Variants in PABPC4 observed in about 807,000 individuals in gnomAD.
PABPC4 encodes polyadenylate-binding protein 4.
A neutral mutation model predicts 74.5 loss-of-function variants in PABPC4; 15 were observed. The observed-to-expected ratio is 0.20, with a 90% confidence interval of 0.13 to 0.31. The LOEUF is 0.31. Among genes scored for constraint, PABPC4 ranks in the 10% least tolerant of loss-of-function variants. The pLI is 1.00. For synonymous variants in PABPC4, 345 were observed against 303.0 expected (o/e 1.14, Z -1.44); for missense variants, 610 against 853.5 (o/e 0.71, Z 3.55).
chr1:39,571,225 G>A lies in PABPC4; in HGVS notation c.503+9C>T, dbSNP rs763961242. 6.2e-7 allele frequency: 1 copy of A among 1,613,998 alleles called. No homozygotes were observed. Among genetic ancestry groups the A allele is most frequent in the South Asian group, 1.1e-5 (1 of 91,062 alleles). ...TGCGATGGTTGTTGCTCCGGACTGG[G>A]ACACTCACACTTTGCGGTCATTGAG... On this transcript the variant is annotated intron_variant, in intron 3 of 15. Transcript: ENST00000372858.
At position 39,575,919 on chromosome 1, in the gene PABPC4, G is replaced by C. The variant is rs1390775491; in HGVS notation, c.33C>G (p.Ala11=). ...AATGCAGGTCGCCCACGTACAGGGA[G>C]GCCATGGGGTAGCTGCTGGCCGCAG... The part of the protein sequence containing the change: MNAAASSYPM[A]SLYVGDLHSD... Residue 11 remains alanine, a synonymous_variant, in exon 1 of 16, where the codon GCC becomes GCG. Coordinates refer to ENST00000372858, the MANE Select transcript of PABPC4 (RefSeq NM_001135653.2). 1 of 1,607,168 alleles carries C rather than the reference G, an allele frequency of 6.2e-7. No homozygotes were observed. Among genetic ancestry groups the C allele is most frequent in the Non-Finnish European group, 8.5e-7 (1 of 1,176,744 alleles).
chr1:39,561,609 C>T (rs963917794), intron 15 of PABPC4, 76 bp downstream of exon 15: 2 of 990,434 alleles, frequency 2.0e-6, no homozygotes, highest in Admixed American at 3.7e-5. Flanking sequence ...ATATATACAA[C>T]CTCAGGTCAA....
At chr1:39,572,299 G>T in intron 2 of PABPC4, 94 bp downstream of exon 2, 3 of 977,928 alleles carry the variant, frequency 3.1e-6, no homozygotes, top group Non-Finnish European at 4.6e-6. Flanking sequence ...CCCATATCTT[G>T]TTCCCCAATT....
At chr1:39,565,553 G>A (rs1041800949) in intron 7 of PABPC4, among the ~76,000 whole-genome samples, 175 bp from the exon 8 acceptor site, 9 of 151,840 alleles carry the variant, frequency 5.9e-5, no homozygotes, top group Non-Finnish European at 1.0e-4. Flanking sequence ...CAAAGGGCCA[G>A]GCGCAGTGGC....
At chr1:39,566,932 T>C (rs1645853545) in intron 7 of PABPC4, among the ~76,000 whole-genome samples, 1 of 152,216 alleles carries the variant, frequency 6.6e-6, no homozygotes, top group Non-Finnish European at 1.5e-5. Context: ...ATTCCCAGGT[T>C]GGGAGCAAAG....
At position 39,576,709 on chromosome 1, in the gene PABPC4, T is replaced by C. The variant is rs1011485668; in HGVS notation, c.-758A>G. On this transcript the variant is annotated 5_prime_UTR_variant, in exon 1 of 16. Transcript: ENST00000372858. ...TCAGGATTTTGAAGCGTTTTCAGAT[T>C]TTTTTTATCTTTTTCTCTTTTTTTC... 1 of 149,762 alleles carries C rather than the reference T, an allele frequency of 6.7e-6. No individual in the cohort carries two copies. The highest frequency in any genetic ancestry group is 1.5e-5 in the Non-Finnish European group (1 of 67,354). The allele number at this position is 149,762 out of a possible 1,614,324, so 9.3% of individuals were successfully genotyped here. A position where few individuals can be genotyped will look rare whatever the true frequency, so the allele number is the denominator to read the frequency against.
chr1:39,568,065 G>A (rs529313314), intron 6 of PABPC4: 108 of 384,564 alleles, frequency 2.8e-4, no homozygotes, highest in African/African-American at 1.9e-3. Flanking sequence ...AGACCATCCT[G>A]GCTAACACAG....
At chr1:39,575,413 A>G (rs1006336174) in intron 1 of PABPC4, among the ~76,000 whole-genome samples, 1 of 152,180 alleles carries the variant, frequency 6.6e-6, no homozygotes, top group Non-Finnish European at 1.5e-5. Context: ...TGTGAGGGGC[A>G]CAAGCAAGGA....
rs562875940 is a variant in PABPC4, at chr1:39,569,443, G to A, written c.738+152C>T. The A allele has an allele frequency of 2.4e-4, 151 of 637,378 alleles. 2 individuals carry two copies. Among genetic ancestry groups the A allele is most frequent in the African/African-American group, 2.0e-3 (107 of 54,640 alleles). 39.5% of individuals were successfully genotyped at this position (637,378 alleles called of 1,614,324 possible). A position where few individuals can be genotyped will look rare whatever the true frequency, so the allele number is the denominator to read the frequency against. On this transcript the variant is annotated intron_variant, in intron 5 of 15. Coordinates refer to ENST00000372858, the MANE Select transcript of PABPC4 (RefSeq NM_001135653.2). ...AAACACCTACATGAAGTTAACATGC[G>A]GAACCCAGGAAGATGATCCCAGAGT...
intron 1 of PABPC4, among the ~76,000 whole-genome samples, chr1:39,575,044 G>C (rs72932170): frequency 1.3e-5 from 2 of 152,172 alleles, no homozygotes; most frequent in South Asian, 2.1e-4. Flanking sequence ...TGTTACAGCT[G>C]AGGTGACAAA....
intron 1 of PABPC4, among the ~76,000 whole-genome samples, chr1:39,574,182 T>G (rs1001981103): frequency 2.0e-5 from 3 of 152,086 alleles, no homozygotes; most frequent in South Asian, 2.1e-4. Flanking sequence ...CTCATCTGTG[T>G]GGGGGGTAGT....
rs759084730 is a variant in PABPC4 at position 39,563,685 on chromosome 1, GAGC to G, written c.1594_1596del (p.Ala532del). On this transcript the variant is annotated inframe_deletion, in exon 12 of 16. Coordinates refer to ENST00000372858, the MANE Select transcript of PABPC4 (RefSeq NM_001135653.2). ...TATTTGTAGGGGGCAACAGCCCGGGGAGCAGCAGCAGCAACAGCAGCGCGTGGC... is the reference window on the plus strand; with the variant it reads ...TATTTGTAGGGGGCAACAGCCCGGGGAGCAGCAGCAACAGCAGCGCGTGGC... The G allele has an allele frequency of 5.6e-6, 9 of 1,614,154 alleles. No homozygotes were observed. The highest frequency in any genetic ancestry group is 1.3e-5 in the African/African-American group (1 of 74,950).
intron 7 of PABPC4, chr1:39,567,334 C>T (rs1360160208): frequency 2.0e-6 from 1 of 509,112 alleles, no homozygotes; most frequent in East Asian, 5.5e-5. Flanking sequence ...TTCCCAAGCC[C>T]ACCTCCAAAA....
In PABPC4 at chr1:39,561,807, G is replaced by A. The variant is rs760362806; in HGVS notation, c.1894-20C>T. ...ATCCACCTGCGAGAAATCTTCAGGT[G>A]GTCAGTGAATCTAGGAGAGCTACTC... On this transcript the variant is annotated intron_variant, in intron 14 of 15. Transcript: ENST00000372858. 6.2e-7 allele frequency: 1 copy of A among 1,604,620 alleles called. No homozygotes were observed. Among genetic ancestry groups the A allele is most frequent in the Admixed American group, 1.7e-5 (1 of 59,894 alleles).
At chr1:39,569,307 A>C (rs927108006) in intron 5 of PABPC4, among the ~76,000 whole-genome samples, 2 of 152,246 alleles carry the variant, frequency 1.3e-5, no homozygotes, top group African/African-American at 4.8e-5. Context: ...GCTGTTATCA[A>C]ATCAGCACTC....
At position 39,565,219 on chromosome 1, in the gene PABPC4, G is replaced by A. The variant is rs1335094750; in HGVS notation, c.1132C>T (p.Leu378=). ...AQRKEERKAH[L]TNQYMQRVAG... ...ACTCGTTGCATATACTGGTTGGTCA[G>A]GTGAGCCTTTCTCTCTTCCTTCCTC... Residue 378 remains leucine, a synonymous_variant, in exon 8 of 16, where the codon CTG becomes TTG. Transcript: ENST00000372858. 1.2e-6 allele frequency: 2 copies of A among 1,614,112 alleles called. No individual in the cohort carries two copies. Among genetic ancestry groups the A allele is most frequent in the Non-Finnish European group, 1.7e-6 (2 of 1,180,054 alleles).
chr1:39,561,306 T>C, intron 15 of PABPC4, 184 bp from the exon 16 acceptor site: 1 of 340,790 alleles, frequency 2.9e-6, no homozygotes, highest in South Asian at 2.4e-5. Flanking sequence ...ATCTCTGGTC[T>C]TTACCACTAG....
chr1:39,576,141 G>A lies in PABPC4; in HGVS notation c.-190C>T, dbSNP rs1208945738. 5 of 509,754 alleles carry A rather than the reference G, an allele frequency of 9.8e-6. No individual in the cohort carries two copies. The highest frequency in any genetic ancestry group is 3.8e-5 in the Admixed American group (1 of 26,194). 31.6% of individuals were successfully genotyped at this position (509,754 alleles called of 1,614,324 possible). On this transcript the variant is annotated 5_prime_UTR_variant, in exon 1 of 16. Transcript: ENST00000372858. ...CGGGAGGCGGGGGCCGGCTCCCACGGCCGCAGCACCGCAGACAAAAGGCTC... is the reference window on the plus strand; with the variant it reads ...CGGGAGGCGGGGGCCGGCTCCCACGACCGCAGCACCGCAGACAAAAGGCTC...
At chr1:39,571,563 A>G in intron 2 of PABPC4, 1 of 606,108 alleles carries the variant, frequency 1.6e-6, no homozygotes, top group Non-Finnish European at 3.0e-6. Flanking sequence ...TTCTATTCCA[A>G]ATGTTTTATT....
Sources: gnomAD v4.1 joint callset for allele counts (sites outside exome capture counted in the v4.1 genomes callset) on GRCh38, gnomAD v4.1.1 for gene constraint, MANE v1.5 for transcripts, NCBI Gene and HGNC (gene_info 2026-07-23, HGNC 2026-07-21) for gene names.